The following ANAPC7 variants were observed in gnomAD, a reference collection of about 807,000 sequenced individuals.
ANAPC7 encodes the protein anaphase promoting complex subunit 7, also known as anaphase-promoting complex subunit 7.
In ANAPC7, 25 loss-of-function variants were observed where a neutral mutation model predicts 63.3. The ratio of observed to expected loss-of-function variants is 0.39; its 90% confidence interval spans 0.29 to 0.55. The LOEUF (loss-of-function observed/expected upper bound fraction) is 0.55. ANAPC7 is among the 20% of genes least tolerant of loss of function. The pLI is 0.57. For missense variants in ANAPC7, 516 were observed against 691.7 expected (o/e 0.75, Z 2.85); for synonymous variants, 241 against 251.7 (o/e 0.96, Z 0.40).
intron 3 of ANAPC7, among the ~76,000 whole-genome samples, chr12:110,389,732 C>T (rs1443224783): frequency 6.6e-6 from 1 of 152,014 alleles, no homozygotes; most frequent in African/African-American, 2.4e-5. Flanking sequence ...GAGATTGAGA[C>T]CATCCCGGCT....
chr12:110,389,651 G>T (rs945898948), intron 3 of ANAPC7, among the ~76,000 whole-genome samples: 6 of 152,266 alleles, frequency 3.9e-5, no homozygotes, highest in African/African-American at 1.4e-4. Flanking sequence ...AAAAGTTCTG[G>T]CCGGGCGCAG....
chr12:110,380,036 G>A (rs767125699), intron 8 of ANAPC7, among the ~76,000 whole-genome samples: 1 of 152,164 alleles, frequency 6.6e-6, no homozygotes, highest in Non-Finnish European at 1.5e-5. Context: ...CTGGCCCAAG[G>A]TAAGATGGCC....
chr12:110,387,426 A>G (rs981943851), intron 5 of ANAPC7: 1 of 146,144 alleles, frequency 6.8e-6, no homozygotes, highest in African/African-American at 3.7e-5. Flanking sequence ...AGAGAGAGAG[A>G]GAGAGACCGA....
At chr12:110,385,516 G>A (rs1882374007) in intron 6 of ANAPC7, among the ~76,000 whole-genome samples, 1 of 152,176 alleles carries the variant, frequency 6.6e-6, no homozygotes, top group African/African-American at 2.4e-5. Context: ...GCTGTTGCCA[G>A]ACTAGTATTT....
chr12:110,401,794 A>G (rs1372521332), intron 1 of ANAPC7, among the ~76,000 whole-genome samples: 2 of 151,796 alleles, frequency 1.3e-5, no homozygotes, highest in African/African-American at 2.4e-5. Context: ...GACCATCGTG[A>G]AACCCTGTCT....
intron 1 of ANAPC7, among the ~76,000 whole-genome samples, chr12:110,400,028 T>C (rs1444926431): frequency 1.3e-5 from 2 of 151,918 alleles, no homozygotes; most frequent in African/African-American, 2.4e-5. Context: ...CAGGCGGAGG[T>C]TGCAGTGAGC....
At chr12:110,387,214 G>GGAGAGAGAGAGAGA (rs143586209) in intron 5 of ANAPC7, 1 of 57,824 alleles carries the variant, frequency 1.7e-5, no homozygotes. Flanking sequence ...CTCTAGCCTG[G>GGAGAGAGAGAGAGA]GAGAGAGAGA....
At chr12:110,392,225 G>T (rs1406493019) in intron 3 of ANAPC7, among the ~76,000 whole-genome samples, 3 of 152,094 alleles carry the variant, frequency 2.0e-5, no homozygotes, top group Admixed American at 6.6e-5. Flanking sequence ...ACCAGAACAG[G>T]ATTTAGTATA....
At chr12:110,380,068 A>C (rs1881673313) in intron 8 of ANAPC7, among the ~76,000 whole-genome samples, 1 of 152,196 alleles carries the variant, frequency 6.6e-6, no homozygotes, top group Admixed American at 6.5e-5. Flanking sequence ...TAGGCCTAAC[A>C]GGCCATGTAC....
At chr12:110,383,027 G>C in intron 6 of ANAPC7, 67 bp from the exon 7 acceptor site, 1 of 1,244,672 alleles carries the variant, frequency 8.0e-7, no homozygotes, top group South Asian at 1.3e-5. Flanking sequence ...ACATACAGGA[G>C]TAGCACCCAA....
chr12:110,382,063 CA>C (rs1439958752), intron 7 of ANAPC7, 115 bp from the exon 8 acceptor site: 1 of 1,014,070 alleles, frequency 9.9e-7, no homozygotes, highest in African/African-American at 1.6e-5. Flanking sequence ...ATCCTTATTC[CA>C]AACCACACTT....
chr12:110,396,566 A>AACG (rs2062140403), intron 1 of ANAPC7, 114 bp from the exon 2 acceptor site: 5 of 806,586 alleles, frequency 6.2e-6, no homozygotes, highest in Non-Finnish European at 9.3e-6. Flanking sequence ...GCTGGAGTGC[A>AACG]GTGGCACGAT....
At chr12:110,374,374 C>G (rs774811866) in intron 10 of ANAPC7, 41 bp from the exon 11 acceptor site, 5 of 1,586,466 alleles carry the variant, frequency 3.2e-6, no homozygotes, top group Non-Finnish European at 4.3e-6. Context: ...GAATCTCTGC[C>G]TTGCTCTTGC....
At position 110,373,832 on chromosome 12, in the gene ANAPC7, G is replaced by A. The variant is rs564436839; in HGVS notation, c.*312C>T. 1.9e-4 allele frequency: 48 copies of A among 257,916 alleles called. No individual in the cohort carries two copies. Among genetic ancestry groups the A allele is most frequent in the Middle Eastern group, 1.1e-3 (1 of 878 alleles). The allele number at this position is 257,916 out of a possible 1,614,324, so 16.0% of individuals were successfully genotyped here. On this transcript the variant is annotated 3_prime_UTR_variant, in exon 11 of 11. Transcript: ENST00000455511. ...TCACAGAACACTGTCTATTCCTTGA[G>A]CTTTTGGATTTAGAAATTAGTTATA... is the stretch of plus-strand genomic sequence containing the variant.
chr12:110,373,208 A>G lies in ANAPC7; in HGVS notation c.*936T>C, dbSNP rs1352032808. 2 of 152,086 alleles carry G rather than the reference A, an allele frequency of 1.3e-5. No individual in the cohort carries two copies. Among genetic ancestry groups the G allele is most frequent in the East Asian group, 1.9e-4 (1 of 5,170 alleles). 9.4% of individuals were successfully genotyped at this position (152,086 alleles called of 1,614,324 possible). A position where few individuals can be genotyped will look rare whatever the true frequency, so the allele number is the denominator to read the frequency against. On this transcript the variant is annotated 3_prime_UTR_variant, in exon 11 of 11. Transcript: ENST00000455511. ...GACAGACTGCTGGAACCAGACCCCA[A>G]TCTCACAGCTGCAGCAAAAGAGCCA...
At chr12:110,390,952 G>A (rs1382969203) in intron 3 of ANAPC7, among the ~76,000 whole-genome samples, 1 of 152,192 alleles carries the variant, frequency 6.6e-6, no homozygotes, top group Non-Finnish European at 1.5e-5. Context: ...AGCACTTTGG[G>A]AGGCCGAGGT....
intron 8 of ANAPC7, chr12:110,378,521 T>G (rs1881509168): frequency 6.6e-6 from 1 of 152,110 alleles, no homozygotes; most frequent in Admixed American, 6.5e-5. Context: ...GCTGAGGGCT[T>G]CCCTAAACGA....
intron 9 of ANAPC7, among the ~76,000 whole-genome samples, chr12:110,376,568 C>CAGAAAAAA (rs1881293218): frequency 3.2e-5 from 2 of 62,400 alleles, no homozygotes; most frequent in Admixed American, 4.8e-4. Flanking sequence ...GACTCCATCT[C>CAGAAAAAA]AAAAAAAAAA....
intron 10 of ANAPC7, chr12:110,375,629 C>G: frequency 1.2e-6 from 1 of 829,940 alleles, no homozygotes; most frequent in Non-Finnish European, 1.5e-6. Context: ...AGTAACTTGC[C>G]CAAGATCACA....
Sources: allele counts gnomAD v4.1 joint callset (sites outside exome capture counted in the v4.1 genomes callset), GRCh38; gene constraint gnomAD v4.1.1; transcripts MANE v1.5; gene names NCBI Gene and HGNC (gene_info 2026-07-23, HGNC 2026-07-21).